The following FGF7 variants were observed in gnomAD, a reference collection of about 807,000 sequenced individuals.
FGF7 encodes the protein fibroblast growth factor 7.
In FGF7, 6 loss-of-function variants were observed where a neutral mutation model predicts 20.5. That is an observed-to-expected ratio of 0.29 (90% CI 0.16 to 0.58). The LOEUF is 0.58. Among genes scored for constraint, FGF7 ranks in the 20% least tolerant of loss-of-function variants. The probability of loss-of-function intolerance (pLI) is 0.90; values close to 1 mark genes in which losing one functional copy is unlikely to be tolerated. For missense variants in FGF7, 144 were observed against 228.8 expected (o/e 0.63, Z 2.39); for synonymous variants, 64 against 74.7 (o/e 0.86, Z 0.74).
At chr15:49,431,292 C>T (rs968397392) in intron 2 of FGF7, among the ~76,000 whole-genome samples, 6 of 151,818 alleles carry the variant, frequency 4.0e-5, no homozygotes, top group South Asian at 4.1e-4. Context: ...AATGTTTAAC[C>T]GCTTTTGGAC....
chr15:49,457,309 A>C (rs2053398000), intron 2 of FGF7, among the ~76,000 whole-genome samples: 1 of 151,974 alleles, frequency 6.6e-6, no homozygotes, highest in Admixed American at 6.6e-5. Context: ...AAAAAAATCA[A>C]ATCAGCGTGT....
chr15:49,454,632 C>T (rs190728519), intron 2 of FGF7, among the ~76,000 whole-genome samples: 3 of 152,166 alleles, frequency 2.0e-5, no homozygotes, highest in East Asian at 1.9e-4. Context: ...TTTTTTGAGA[C>T]GAAGTCTCGC....
intron 2 of FGF7, among the ~76,000 whole-genome samples, chr15:49,460,784 C>G (rs1347280625): frequency 6.6e-6 from 1 of 152,146 alleles, no homozygotes; most frequent in Non-Finnish European, 1.5e-5. Context: ...ATTTTCTGTC[C>G]TTAGCAGAGA....
At chr15:49,474,874 T>G (rs2055106730) in intron 2 of FGF7, among the ~76,000 whole-genome samples, 1 of 152,192 alleles carries the variant, frequency 6.6e-6, no homozygotes. Context: ...AGTTTCATCC[T>G]GAACCTCCCC....
intron 2 of FGF7, among the ~76,000 whole-genome samples, chr15:49,460,972 G>A (rs2053740254): frequency 6.6e-6 from 1 of 152,146 alleles, no homozygotes; most frequent in Non-Finnish European, 1.5e-5. Context: ...TTGATAGCTG[G>A]CATCCATGTA....
chr15:49,446,928 G>A lies in FGF7; in HGVS notation c.286+22345G>A, dbSNP rs558421176. ...AATACACAGATATATCAAGAAATCA[G>A]GAGAGATAAAAGGCAGAGAAATACT... On this transcript the variant is annotated intron_variant, in intron 2 of 3. Coordinates refer to ENST00000267843, the MANE Select transcript of FGF7 (RefSeq NM_002009.4). Among the ~76,000 whole-genome samples the A allele has an allele frequency of 9.0e-4, 137 of 151,502 alleles. 5 individuals are homozygous for A. The South Asian group carries it at 0.027, about 30-fold the overall frequency.
At chr15:49,443,845 G>A (rs1458878996) in intron 2 of FGF7, among the ~76,000 whole-genome samples, 2 of 151,660 alleles carry the variant, frequency 1.3e-5, no homozygotes, top group East Asian at 3.9e-4. Context: ...ATATGCTTGT[G>A]TGCTATGCTT....
chr15:49,462,592 T>C (rs1017056259), intron 2 of FGF7, among the ~76,000 whole-genome samples: 1 of 152,186 alleles, frequency 6.6e-6, no homozygotes. Flanking sequence ...AACTGGAAAG[T>C]ATAGAGTAGG....
chr15:49,441,138 A>C (rs1488672221), intron 2 of FGF7, among the ~76,000 whole-genome samples: 1 of 151,784 alleles, frequency 6.6e-6, no homozygotes, highest in Non-Finnish European at 1.5e-5. Flanking sequence ...CACAGAGAAC[A>C]TGAGATTACC....
At chr15:49,427,327 G>C (rs943575509) in intron 2 of FGF7, among the ~76,000 whole-genome samples, 1 of 152,014 alleles carries the variant, frequency 6.6e-6, no homozygotes, top group African/African-American at 2.4e-5. Flanking sequence ...ATAAATGAAT[G>C]AAAGAATGTT....
At chr15:49,480,326 T>G (rs2055816993) in intron 2 of FGF7, among the ~76,000 whole-genome samples, 2 of 152,056 alleles carry the variant, frequency 1.3e-5, no homozygotes, top group South Asian at 4.1e-4. Flanking sequence ...TATCTATTAT[T>G]TTGAGACAGA....
intron 2 of FGF7, among the ~76,000 whole-genome samples, chr15:49,436,789 A>G (rs751584540): frequency 5.9e-5 from 9 of 151,570 alleles, no homozygotes; most frequent in Non-Finnish European, 1.3e-4. Context: ...ATGTATCACT[A>G]TACTGTCACT....
chr15:49,436,759 C>T (rs2051143674), intron 2 of FGF7, among the ~76,000 whole-genome samples: 1 of 151,494 alleles, frequency 6.6e-6, no homozygotes, highest in South Asian at 2.1e-4. Context: ...AACTCCAAAG[C>T]ACAGCTTTAG....
intron 2 of FGF7, among the ~76,000 whole-genome samples, chr15:49,465,762 T>C (rs2054214700): frequency 6.6e-6 from 1 of 152,214 alleles, no homozygotes; most frequent in African/African-American, 2.4e-5. Context: ...GAAGGAAATT[T>C]AGCAAATACT....
At chr15:49,431,041 A>T (rs1319548270) in intron 2 of FGF7, among the ~76,000 whole-genome samples, 5 of 151,862 alleles carry the variant, frequency 3.3e-5, no homozygotes, top group South Asian at 2.1e-4. Context: ...TGGTAGCACA[A>T]TAACTTCTCT....
intron 2 of FGF7, among the ~76,000 whole-genome samples, chr15:49,443,433 A>T (rs2051868469): frequency 6.6e-6 from 1 of 151,522 alleles, no homozygotes; most frequent in Admixed American, 6.6e-5. Flanking sequence ...CCTACACCAC[A>T]TAAATTGGCC....
chr15:49,481,467 G>A (rs902721150), intron 2 of FGF7, among the ~76,000 whole-genome samples: 2 of 152,204 alleles, frequency 1.3e-5, no homozygotes, highest in African/African-American at 4.8e-5. Flanking sequence ...AGGCTTGTCT[G>A]TGAATTAAGC....
chr15:49,463,431 G>A (rs1011454367), intron 2 of FGF7, among the ~76,000 whole-genome samples: 1 of 151,772 alleles, frequency 6.6e-6, no homozygotes, highest in Non-Finnish European at 1.5e-5. Flanking sequence ...ATGGGCGCCT[G>A]TAATCCCAGC....
chr15:49,436,134 T>C (rs543947449), intron 2 of FGF7, among the ~76,000 whole-genome samples: 34 of 151,710 alleles, frequency 2.2e-4, no homozygotes, highest in African/African-American at 8.0e-4. Flanking sequence ...TGTTTTAAAA[T>C]TATACATGGG....
Sources: gnomAD v4.1 joint callset for allele counts (sites outside exome capture counted in the v4.1 genomes callset) on GRCh38, gnomAD v4.1.1 for gene constraint, MANE v1.5 for transcripts, NCBI Gene and HGNC (gene_info 2026-07-23, HGNC 2026-07-21) for gene names.